The following PPARGC1B variants were observed in gnomAD, a reference collection of about 807,000 sequenced individuals.
PPARGC1B encodes the protein PPARG coactivator 1 beta.
A neutral mutation model predicts 101.6 loss-of-function variants in PPARGC1B; 34 were observed. The observed-to-expected ratio is 0.33, with a 90% CI of 0.25 to 0.45. PPARGC1B has a LOEUF of 0.45. PPARGC1B is among the 20% of genes least tolerant of loss of function. The pLI is 1.00. For missense variants in PPARGC1B, 1,234 were observed against 1,317.6 expected (o/e 0.94, Z 0.98); for synonymous variants, 548 against 539.3 (o/e 1.02, Z -0.22).
At chr5:149,762,923 A>G (rs1199032600) in intron 1 of PPARGC1B, among the ~76,000 whole-genome samples, 3 of 152,134 alleles carry the variant, frequency 2.0e-5, no homozygotes, top group Non-Finnish European at 4.4e-5. Context: ...AGCAGCTGAA[A>G]CTATAGGTGT....
chr5:149,787,448 T>C (rs1179277643), intron 1 of PPARGC1B, among the ~76,000 whole-genome samples: 1 of 152,210 alleles, frequency 6.6e-6, no homozygotes, highest in African/African-American at 2.4e-5. Flanking sequence ...AAACACCAAA[T>C]TGGCTCCAGG....
chr5:149,756,543 A>G (rs1755526722), intron 1 of PPARGC1B, among the ~76,000 whole-genome samples: 1 of 152,234 alleles, frequency 6.6e-6, no homozygotes, highest in African/African-American at 2.4e-5. Flanking sequence ...ACTGGTCCAG[A>G]TGTTGGGGCT....
At position 149,771,834 on chromosome 5, in the gene PPARGC1B, G is replaced by T. The variant is rs1363682395; in HGVS notation, c.78+41414G>T. 8 of 397,108 alleles carry T rather than the reference G, an allele frequency of 2.0e-5. No individual in the cohort carries two copies. In the Admixed American group the frequency reaches 2.2e-4, roughly 11 times the overall value. The allele number at this position is 397,108 out of a possible 1,614,324, so 24.6% of individuals were successfully genotyped here. A position where few individuals can be genotyped will look rare whatever the true frequency, so the allele number is the denominator to read the frequency against. Reference sequence around the variant, plus strand: ...GGGGTGAGGTGGGAGGCTCTGAGTTGTAGCATTTTCAGGTGTCCAGGAAGT... The same window carrying T: ...GGGGTGAGGTGGGAGGCTCTGAGTTTTAGCATTTTCAGGTGTCCAGGAAGT... On this transcript the variant is annotated intron_variant, in intron 1 of 11. Transcript: ENST00000309241.
chr5:149,803,308 C>G (rs374595886), intron 1 of PPARGC1B, among the ~76,000 whole-genome samples: 2 of 152,202 alleles, frequency 1.3e-5, no homozygotes, highest in Non-Finnish European at 2.9e-5. Flanking sequence ...TTGACTTGCT[C>G]TGTGACTTTA....
At chr5:149,736,716 C>T (rs1380406222) in intron 1 of PPARGC1B, among the ~76,000 whole-genome samples, 1 of 152,208 alleles carries the variant, frequency 6.6e-6, no homozygotes, top group African/African-American at 2.4e-5. Flanking sequence ...ACATCACTCT[C>T]TTGCTCACAC....
chr5:149,777,427 G>T (rs1027261629), intron 1 of PPARGC1B, among the ~76,000 whole-genome samples: 12 of 152,006 alleles, frequency 7.9e-5, no homozygotes, highest in African/African-American at 2.7e-4. Context: ...CCACCCCCTG[G>T]GCCATTGGCA....
intron 10 of PPARGC1B, among the ~76,000 whole-genome samples, chr5:149,842,917 C>T (rs1202884743): frequency 6.6e-6 from 1 of 152,172 alleles, no homozygotes; most frequent in Non-Finnish European, 1.5e-5. Flanking sequence ...CTTGTAATCC[C>T]AGCATTTGGG....
At chr5:149,790,997 G>A (rs1030894270) in intron 1 of PPARGC1B, among the ~76,000 whole-genome samples, 2 of 152,108 alleles carry the variant, frequency 1.3e-5, no homozygotes, top group African/African-American at 4.8e-5. Flanking sequence ...CTTCTTAAGA[G>A]TATTCTTTGG....
At chr5:149,805,248 G>C (rs538309045) in intron 1 of PPARGC1B, among the ~76,000 whole-genome samples, 1 of 152,314 alleles carries the variant, frequency 6.6e-6, no homozygotes, top group South Asian at 2.1e-4. Context: ...AAATACCATG[G>C]ACTTGGGGAG....
At chr5:149,845,063 T>C (rs1398854317) in intron 10 of PPARGC1B, among the ~76,000 whole-genome samples, 6 of 152,142 alleles carry the variant, frequency 3.9e-5, no homozygotes. Context: ...CAAACCATGG[T>C]GTCCAGGAAG....
chr5:149,835,502 G>A, intron 7 of PPARGC1B, 137 bp downstream of exon 7: 1 of 733,204 alleles, frequency 1.4e-6, no homozygotes, highest in Non-Finnish European at 2.3e-6. Flanking sequence ...TTATGTTATA[G>A]GCAGTCAAAA....
Position 149,827,682 on chromosome 5 carries a change from T to C in PPARGC1B, c.465+797T>C, listed in dbSNP as rs1022111596. Reference sequence around the variant, plus strand: ...TTGCCCTCCAAAGATGTTGGACTGGTTTACACTTCCACCAGCAGAAGTTAA... The same window carrying C: ...TTGCCCTCCAAAGATGTTGGACTGGCTTACACTTCCACCAGCAGAAGTTAA... On this transcript the variant is annotated intron_variant, in intron 3 of 11. Transcript: ENST00000309241. 2.6e-5 allele frequency among the ~76,000 whole-genome samples: 4 copies of C among 152,232 alleles called. No homozygotes were observed. In the South Asian group the frequency reaches 6.2e-4, roughly 24 times the overall value.
intron 1 of PPARGC1B, among the ~76,000 whole-genome samples, chr5:149,756,418 C>T (rs1322152423): frequency 1.3e-5 from 2 of 152,122 alleles, no homozygotes; most frequent in Non-Finnish European, 2.9e-5. Flanking sequence ...CGGCACTGCA[C>T]TCTAGCCTGG....
At chr5:149,799,843 G>A (rs544631923) in intron 1 of PPARGC1B, among the ~76,000 whole-genome samples, 23 of 151,996 alleles carry the variant, frequency 1.5e-4, no homozygotes, top group African/African-American at 5.3e-4. Flanking sequence ...GACTACAGGT[G>A]TACGCCACCA....
intron 2 of PPARGC1B, among the ~76,000 whole-genome samples, chr5:149,825,320 C>T (rs188446022): frequency 3.5e-4 from 53 of 152,370 alleles, no homozygotes; most frequent in African/African-American, 1.2e-3. Flanking sequence ...GCCTCTGTGT[C>T]CTCAACTGCA....
At chr5:149,826,434 C>T (rs138658838) in intron 2 of PPARGC1B, among the ~76,000 whole-genome samples, 2,049 of 152,284 alleles carry the variant, frequency 0.013, 21 homozygotes, top group African/African-American at 0.019. Context: ...CCATTGTCAT[C>T]TACTGCCTGT....
At chr5:149,830,068 A>C (rs113949264) in intron 3 of PPARGC1B, among the ~76,000 whole-genome samples, 2,969 of 147,244 alleles carry the variant, frequency 0.02, 45 homozygotes, top group African/African-American at 0.026. Context: ...AAAAAAAAAA[A>C]AACAGGGTGG....
At chr5:149,823,746 C>G (rs1217730131) in intron 2 of PPARGC1B, among the ~76,000 whole-genome samples, 1 of 152,124 alleles carries the variant, frequency 6.6e-6, no homozygotes, top group South Asian at 2.1e-4. Context: ...AGCTTCCTGC[C>G]CCACCTGGCT....
chr5:149,783,490 G>A (rs1756669992), intron 1 of PPARGC1B, among the ~76,000 whole-genome samples: 2 of 152,212 alleles, frequency 1.3e-5, no homozygotes. Flanking sequence ...AAGCGAGTGT[G>A]TGAAAGACAG....
Sources: allele counts gnomAD v4.1 joint callset (sites outside exome capture counted in the v4.1 genomes callset), GRCh38; gene constraint gnomAD v4.1.1; transcripts MANE v1.5; gene names NCBI Gene and HGNC (gene_info 2026-07-23, HGNC 2026-07-21).